The following YY1AP1 variants were observed in gnomAD, a reference collection of about 807,000 sequenced individuals.
The protein encoded by YY1AP1 is YY1-associated protein 1.
A neutral mutation model predicts 39.9 loss-of-function variants in YY1AP1; 43 were observed. That is an observed-to-expected ratio of 1.08 (90% CI 0.84 to 1.39). The LOEUF (loss-of-function observed/expected upper bound fraction) is 1.39. Among genes scored for constraint, YY1AP1 ranks in the 40% most tolerant of loss-of-function variants. YY1AP1 has a pLI of 0.00. For missense variants in YY1AP1, 813 were observed against 900.7 expected, an observed-to-expected ratio of 0.90 and a Z score of 1.25; for synonymous variants, 292 against 331.3, an observed-to-expected ratio of 0.88 and a Z score of 1.29.
At chr1:155,688,361 T>G (rs1652963161) in intron 1 of YY1AP1, 160 bp from the exon 2 acceptor site, 1 of 1,547,236 alleles carries the variant, frequency 6.5e-7, no homozygotes, top group Admixed American at 2.0e-5. Context: ...CGGCAGCTCC[T>G]CCAGAGGGAG....
chr1:155,688,994 A>C (rs1164514778), upstream of YY1AP1: 13 of 1,602,370 alleles, frequency 8.1e-6, no homozygotes, highest in South Asian at 5.6e-5. Flanking sequence ...CGGCGAGGGG[A>C]TCGAGGGCGG....
rs1177769692 is a variant in YY1AP1 at position 155,660,987 on chromosome 1, G to A, written c.997-74C>T. On this transcript the variant is annotated intron_variant, in intron 10 of 10. Coordinates refer to ENST00000355499, the MANE Select transcript of YY1AP1 (RefSeq NM_139119.3). ...AAAAGAATAGGACTTTCTAAGTTTA[G>A]GGACCTGAGACAAGCTCAAGGCATC... The A allele has an allele frequency of 1.9e-6, 3 of 1,608,024 alleles. No homozygotes were observed. In the African/African-American group the frequency reaches 4.0e-5, roughly 21 times the overall value.
intron 9 of YY1AP1, among the ~76,000 whole-genome samples, chr1:155,662,714 C>T (rs1011733724): frequency 6.6e-6 from 1 of 152,094 alleles, no homozygotes; most frequent in African/African-American, 2.4e-5. Context: ...AAAAAATGTA[C>T]AAAGGGCTGG....
intron 6 of YY1AP1, 166 bp downstream of exon 6, chr1:155,674,844 T>A: frequency 1.8e-6 from 1 of 569,046 alleles, no homozygotes; most frequent in Non-Finnish European, 3.1e-6. Context: ...AAAGAAAAAA[T>A]TGAATACACT....
Position 155,670,244 on chromosome 1 carries a change from T to C in YY1AP1, c.728+76A>G. ...TTGTGTCCATGTCTTATTATACAAG[T>C]CTTACTTCCCCTAAACTCCTCAAAG... On this transcript the variant is annotated intron_variant, in intron 8 of 10. Transcript: ENST00000355499. The C allele has an allele frequency of 3.8e-6, 6 of 1,591,154 alleles. No individual in the cohort carries two copies. In the South Asian group the frequency reaches 6.6e-5, roughly 18 times the overall value.
chr1:155,669,229 G>A (rs564386423), intron 8 of YY1AP1, among the ~76,000 whole-genome samples: 42 of 152,280 alleles, frequency 2.8e-4, no homozygotes, highest in Non-Finnish European at 5.6e-4. Context: ...GTAGAGACCA[G>A]TTCTCACTTT....
rs1558310111 is a variant in YY1AP1, at chr1:155,675,007, TAC to T, written c.411+1_411+2del. 1 of 1,612,696 alleles carries T rather than the reference TAC, an allele frequency of 6.2e-7. No individual in the cohort carries two copies. Among genetic ancestry groups the T allele is most frequent in the Non-Finnish European group, 8.5e-7 (1 of 1,178,822 alleles). On this transcript the variant is annotated splice_donor_variant, in intron 6 of 10. Transcript: ENST00000355499. LOFTEE classifies it high-confidence loss of function. ...ATAGAATTACGGCAATTTGGAAACT[TAC>T]AAGACATATCCTGGTGCTACTGGCC...
chr1:155,660,947 T>G, intron 10 of YY1AP1, 34 bp from the exon 11 acceptor site: 1 of 1,613,656 alleles, frequency 6.2e-7, no homozygotes, highest in Non-Finnish European at 8.5e-7. Flanking sequence ...ATCCAGCACA[T>G]GTCAGAATTT....
intron 9 of YY1AP1, among the ~76,000 whole-genome samples, chr1:155,662,018 C>T (rs1648241815): frequency 6.6e-6 from 1 of 152,102 alleles, no homozygotes; most frequent in Non-Finnish European, 1.5e-5. Context: ...GAGTTTAGGT[C>T]ACAGAGAGAA....
chr1:155,683,581 G>A (rs758495107), intron 2 of YY1AP1, among the ~76,000 whole-genome samples: 5 of 151,948 alleles, frequency 3.3e-5, no homozygotes, highest in East Asian at 1.9e-4. Flanking sequence ...ACTTGAATCC[G>A]GGTGGCAGAG....
At chr1:155,676,327 C>T (rs1463907567) in intron 5 of YY1AP1, among the ~76,000 whole-genome samples, 4 of 152,066 alleles carry the variant, frequency 2.6e-5, no homozygotes, top group African/African-American at 9.7e-5. Flanking sequence ...ATCTGTAATT[C>T]CGAATACCAT....
chr1:155,684,627 G>C (rs1651967850), intron 2 of YY1AP1, among the ~76,000 whole-genome samples: 1 of 149,704 alleles, frequency 6.7e-6, no homozygotes, highest in Admixed American at 6.7e-5. Flanking sequence ...CTAGAGTGCA[G>C]TGGCATGATT....
intron 4 of YY1AP1, 36 bp downstream of exon 4, chr1:155,679,373 C>T (rs761767342): frequency 1.2e-6 from 2 of 1,613,864 alleles, no homozygotes; most frequent in Non-Finnish European, 1.7e-6. Flanking sequence ...TAAACTCTTC[C>T]TCTATTCCAA....
chr1:155,686,892 A>C (rs1157370832), intron 2 of YY1AP1, among the ~76,000 whole-genome samples: 2 of 151,718 alleles, frequency 1.3e-5, no homozygotes, highest in African/African-American at 4.8e-5. Context: ...TTTCCAGCAT[A>C]CTCAGATTTG....
chr1:155,667,824 A>G (rs1649238943), intron 9 of YY1AP1, among the ~76,000 whole-genome samples: 16 of 151,950 alleles, frequency 1.1e-4, no homozygotes, highest in Admixed American at 1.0e-3. Context: ...CTCCATCTCA[A>G]TCAATCAATC....
At chr1:155,669,948 C>A (rs2149042017) in intron 8 of YY1AP1, among the ~76,000 whole-genome samples, 1 of 152,214 alleles carries the variant, frequency 6.6e-6, no homozygotes, top group South Asian at 2.1e-4. Context: ...TCACTTGATC[C>A]CAGGAGTTCA....
intron 9 of YY1AP1, among the ~76,000 whole-genome samples, chr1:155,667,782 A>G (rs1291598520): frequency 6.6e-6 from 1 of 151,958 alleles, no homozygotes; most frequent in East Asian, 1.9e-4. Flanking sequence ...AGATCGCACC[A>G]TTGCACTCCA....
At chr1:155,676,454 G>A in intron 5 of YY1AP1, 94 bp downstream of exon 5, 5 of 1,460,098 alleles carry the variant, frequency 3.4e-6, no homozygotes, top group Non-Finnish European at 4.8e-6. Flanking sequence ...AACTATCTCT[G>A]ACATTTACAA....
intron 8 of YY1AP1, 131 bp from the exon 9 acceptor site, chr1:155,668,908 G>T: frequency 7.3e-7 from 1 of 1,367,134 alleles, no homozygotes; most frequent in Non-Finnish European, 1.0e-6. Flanking sequence ...CTGTCACCTG[G>T]GCTGGAGTGC....
Sources: allele counts gnomAD v4.1 joint callset (sites outside exome capture counted in the v4.1 genomes callset), GRCh38; gene constraint gnomAD v4.1.1; transcripts MANE v1.5; gene names NCBI Gene and HGNC (gene_info 2026-07-23, HGNC 2026-07-21).